FBXO25: variants seen among roughly 807,000 people sequenced by gnomAD.
FBXO25 encodes F-box protein 25.
In FBXO25, 45 loss-of-function variants were observed where a neutral mutation model predicts 51.9. The ratio of observed to expected loss-of-function variants is 0.87; its 90% confidence interval spans 0.68 to 1.11. FBXO25 has a LOEUF of 1.11. Ranked by LOEUF, FBXO25 falls within the 50% of genes most tolerant of loss-of-function variation. The pLI, the probability that FBXO25 is intolerant of heterozygous loss-of-function variation, is 0.00. For missense variants in FBXO25, 507 were observed against 428.5 expected (o/e 1.18, Z -1.62); for synonymous variants, 199 against 151.0 (o/e 1.32, Z -2.33).
At chr8:454,746 C>A (rs1799308568) in intron 7 of FBXO25, among the ~76,000 whole-genome samples, 1 of 151,906 alleles carries the variant, frequency 6.6e-6, no homozygotes, top group Admixed American at 6.6e-5. Flanking sequence ...AAAAAATTAG[C>A]CGGGCGTGGT....
chr8:447,202 G>A (rs1327754128), intron 5 of FBXO25, among the ~76,000 whole-genome samples: 1 of 152,128 alleles, frequency 6.6e-6, no homozygotes, highest in African/African-American at 2.4e-5. Flanking sequence ...AGGGCTTCCT[G>A]GATCCAGTTT....
intron 7 of FBXO25, 107 bp from the exon 8 acceptor site, chr8:458,262 T>C (rs889696651): frequency 2.3e-6 from 3 of 1,289,870 alleles, no homozygotes; most frequent in African/African-American, 3.0e-5. Context: ...AGAGCTCTTT[T>C]TGTGTTACCA....
chr8:459,262 C>A (rs1799652921), intron 8 of FBXO25, among the ~76,000 whole-genome samples: 1 of 152,208 alleles, frequency 6.6e-6, no homozygotes, highest in Non-Finnish European at 1.5e-5. Flanking sequence ...GTGATTTGAA[C>A]TGTGGTCAGC....
intron 5 of FBXO25, among the ~76,000 whole-genome samples, chr8:441,728 C>G (rs1316958085): frequency 6.6e-6 from 1 of 152,158 alleles, no homozygotes. Context: ...CTTCTCAAAA[C>G]AAGAAATTTA....
chr8:455,849 T>C (rs1799391948), intron 7 of FBXO25, among the ~76,000 whole-genome samples: 1 of 152,218 alleles, frequency 6.6e-6, no homozygotes, highest in Non-Finnish European at 1.5e-5. Flanking sequence ...TTTTGTGCCT[T>C]GTCACATTTC....
In FBXO25 at chr8:462,985, G is replaced by T. The variant is rs756058894; in HGVS notation, c.844-22G>T. On this transcript the variant is annotated intron_variant, in intron 8 of 9. Coordinates refer to ENST00000350302, the MANE Select transcript of FBXO25 (RefSeq NM_183420.2). Reference sequence around the variant, plus strand: ...TTGAAAGTCATCTTATGCGGATTCTGAATGGAGTTTTGTTTGTTTAGTTTT... The same window carrying T: ...TTGAAAGTCATCTTATGCGGATTCTTAATGGAGTTTTGTTTGTTTAGTTTT... The T allele has an allele frequency of 2.5e-6, 4 of 1,592,846 alleles. No individual in the cohort carries two copies. In the South Asian group the frequency reaches 4.6e-5, roughly 18 times the overall value.
Position 408,736 on chromosome 8 carries a change from C to G in FBXO25, c.-8+1670C>G, listed in dbSNP as rs927505868. 3.9e-5 allele frequency among the ~76,000 whole-genome samples: 6 copies of G among 152,106 alleles called. No individual in the cohort carries two copies. The South Asian group carries it at 6.2e-4, about 16-fold the overall frequency. ...ACCAGCAAATGAACTTCATGAAGTC[C>G]TTTTCTACTGAAGTATCCCACCCAC... On this transcript the variant is annotated intron_variant, in intron 1 of 9. Coordinates refer to ENST00000350302, the MANE Select transcript of FBXO25 (RefSeq NM_183420.2).
intron 9 of FBXO25, chr8:467,671 C>G (rs368087109): frequency 4.4e-6 from 7 of 1,595,300 alleles, no homozygotes; most frequent in African/African-American, 1.3e-5. Context: ...TCCTTTTTTT[C>G]CCTCCCTTCA....
At chr8:444,846 C>T (rs1265918032) in intron 5 of FBXO25, among the ~76,000 whole-genome samples, 1 of 152,152 alleles carries the variant, frequency 6.6e-6, no homozygotes, top group Non-Finnish European at 1.5e-5. Flanking sequence ...AGGTCTGTAG[C>T]CTAGCTGTGT....
intron 2 of FBXO25, 107 bp downstream of exon 2, chr8:413,320 C>A: frequency 7.4e-7 from 1 of 1,360,444 alleles, no homozygotes; most frequent in Non-Finnish European, 9.5e-7. Flanking sequence ...ACTTGCCCAC[C>A]CAGAAGGCTG....
chr8:444,030 C>G (rs565282876), intron 5 of FBXO25, among the ~76,000 whole-genome samples: 100 of 152,290 alleles, frequency 6.6e-4, no homozygotes, highest in African/African-American at 2.3e-3. Flanking sequence ...TCATCTCTCC[C>G]TGCCTCAGTT....
At chr8:459,292 G>C (rs1343959477) in intron 8 of FBXO25, among the ~76,000 whole-genome samples, 1 of 152,224 alleles carries the variant, frequency 6.6e-6, no homozygotes, top group Non-Finnish European at 1.5e-5. Flanking sequence ...ACCTAGGATG[G>C]GACTGGGTGC....
At chr8:418,409 G>T (rs536823449) in intron 2 of FBXO25, among the ~76,000 whole-genome samples, 1 of 128,386 alleles carries the variant, frequency 7.8e-6, no homozygotes, top group African/African-American at 3.0e-5. Flanking sequence ...GCATGATCTC[G>T]GCTCACTGCA....
In FBXO25 at chr8:428,933, A is replaced by C. The variant is rs7010178; in HGVS notation, c.135-2408A>C. Among the ~76,000 whole-genome samples, 125 of 152,276 alleles carry C rather than the reference A, an allele frequency of 8.2e-4. No homozygotes were observed. The East Asian group carries it at 0.024, about 29-fold the overall frequency. ...AGTGTACACCACATTTTGCTTATCT[A>C]TTCATCCACTGATGGACATGTGGGT... On this transcript the variant is annotated intron_variant, in intron 2 of 9. Transcript: ENST00000350302.
chr8:442,684 G>T (rs1798503072), intron 5 of FBXO25, among the ~76,000 whole-genome samples: 1 of 152,064 alleles, frequency 6.6e-6, no homozygotes, highest in Admixed American at 6.6e-5. Flanking sequence ...GGGTCAGGCT[G>T]GTCTTGAACT....
chr8:462,784 C>T (rs555673880), intron 8 of FBXO25, among the ~76,000 whole-genome samples: 56 of 152,196 alleles, frequency 3.7e-4, no homozygotes, highest in Non-Finnish European at 7.2e-4. Context: ...TGAAACACTA[C>T]ATGTTGGGTC....
At chr8:407,476 G>T (rs1796227018) in intron 1 of FBXO25, 1 of 974,422 alleles carries the variant, frequency 1.0e-6, no homozygotes, top group East Asian at 1.2e-4. Flanking sequence ...GGGCGAGTCG[G>T]GTGGGCACGG....
intron 2 of FBXO25, among the ~76,000 whole-genome samples, chr8:421,343 A>T (rs1797141916): frequency 6.6e-6 from 1 of 152,188 alleles, no homozygotes; most frequent in Non-Finnish European, 1.5e-5. Flanking sequence ...ACGGTTAGGG[A>T]ATGCTGCCAT....
At chr8:436,979 C>T (rs1392492641) in intron 5 of FBXO25, among the ~76,000 whole-genome samples, 2 of 152,020 alleles carry the variant, frequency 1.3e-5, no homozygotes, top group East Asian at 1.9e-4. Flanking sequence ...GGAGAAGGTG[C>T]GAGTATTCTG....
Sources: gnomAD v4.1 joint callset for allele counts (sites outside exome capture counted in the v4.1 genomes callset) on GRCh38, gnomAD v4.1.1 for gene constraint, MANE v1.5 for transcripts, NCBI Gene and HGNC (gene_info 2026-07-23, HGNC 2026-07-21) for gene names.